The following HTR4 variants were observed in gnomAD, a reference collection of about 807,000 sequenced individuals.
The protein encoded by HTR4 is 5-hydroxytryptamine (serotonin) receptor 4, G protein-coupled.
HTR4 carries 16 observed loss-of-function variants against 36.8 expected under a neutral mutation model. The observed-to-expected ratio is 0.43, with a 90% CI of 0.29 to 0.66. The LOEUF (loss-of-function observed/expected upper bound fraction) is 0.66, where lower values mean the gene tolerates loss of function less well. HTR4 is among the 30% of genes least tolerant of loss of function. HTR4 has a pLI of 0.13. For missense variants in HTR4, 438 were observed against 490.9 expected (o/e 0.89, Z 1.02); for synonymous variants, 189 against 185.1 (o/e 1.02, Z -0.17).
intron 2 of HTR4, among the ~76,000 whole-genome samples, chr5:148,587,249 G>A (rs1009301497): frequency 2.0e-5 from 3 of 152,190 alleles, no homozygotes; most frequent in African/African-American, 7.2e-5. Flanking sequence ...ATTTATAGTC[G>A]CATAGGGTAT....
chr5:148,513,630 T>A (rs572541959), intron 5 of HTR4, among the ~76,000 whole-genome samples: 1 of 152,192 alleles, frequency 6.6e-6, no homozygotes, highest in Non-Finnish European at 1.5e-5. Flanking sequence ...TATTTCCATA[T>A]AAAATTTAAA....
intron 2 of HTR4, among the ~76,000 whole-genome samples, chr5:148,580,326 T>C (rs1265186525): frequency 6.6e-6 from 1 of 152,056 alleles, no homozygotes; most frequent in African/African-American, 2.4e-5. Context: ...CTTGGTGAGT[T>C]TGAACATGTT....
intron 6 of HTR4, among the ~76,000 whole-genome samples, chr5:148,497,448 T>A (rs1756737725): frequency 6.6e-6 from 1 of 152,230 alleles, no homozygotes; most frequent in African/African-American, 2.4e-5. Flanking sequence ...GAAGCTTTGC[T>A]CTCTTTTTCC....
At chr5:148,629,294 C>A (rs1206871137) in intron 2 of HTR4, 1 of 152,134 alleles carries the variant, frequency 6.6e-6, no homozygotes, top group African/African-American at 2.4e-5. Context: ...TTCCAGGGAA[C>A]AAGATTAGGT....
At chr5:148,586,276 C>T (rs1761345422) in intron 2 of HTR4, among the ~76,000 whole-genome samples, 1 of 151,972 alleles carries the variant, frequency 6.6e-6, no homozygotes, top group Admixed American at 6.6e-5. Flanking sequence ...ATTCTAGGCT[C>T]CTGAGACAAT....
At chr5:148,537,827 C>T (rs2113825883) in intron 4 of HTR4, among the ~76,000 whole-genome samples, 1 of 152,240 alleles carries the variant, frequency 6.6e-6, no homozygotes. Context: ...TGGTACCATT[C>T]CTACTGAAAC....
chr5:148,452,733 C>A (rs1755003936), intron 5 of HTR4, among the ~76,000 whole-genome samples: 1 of 152,134 alleles, frequency 6.6e-6, no homozygotes, highest in East Asian at 1.9e-4. Flanking sequence ...GAGAGCTAAG[C>A]CAAGGGGATG....
chr5:148,589,371 C>A lies in HTR4; in HGVS notation c.27-39109G>T, dbSNP rs115792111. 1.5e-3 allele frequency among the ~76,000 whole-genome samples: 224 copies of A among 152,236 alleles called. 2 individuals are homozygous for A. The highest frequency in any genetic ancestry group is 5.1e-3 in the African/African-American group (212 of 41,552). On this transcript the variant is annotated intron_variant, in intron 2 of 6. Coordinates refer to ENST00000377888, the MANE Select transcript of HTR4 (RefSeq NM_000870.7). ...TTCTGTTTCCTGACATTCTGCCAGCCCTTGTTGTCTTTGATTTATAAAGTT... is the reference window on the plus strand; with the variant it reads ...TTCTGTTTCCTGACATTCTGCCAGCACTTGTTGTCTTTGATTTATAAAGTT...
intron 5 of HTR4, among the ~76,000 whole-genome samples, chr5:148,465,639 C>T (rs1755407445): frequency 1.3e-5 from 2 of 152,076 alleles, no homozygotes. Context: ...AGGGAAGAAG[C>T]CAAACCCATC....
chr5:148,559,125 G>A (rs1035730942), intron 2 of HTR4, among the ~76,000 whole-genome samples: 2 of 152,220 alleles, frequency 1.3e-5, no homozygotes, highest in South Asian at 4.1e-4. Flanking sequence ...GACTGATTGA[G>A]AGTTGGAGCT....
intron 1 of HTR4, among the ~76,000 whole-genome samples, chr5:148,646,978 T>C (rs1366892074): frequency 6.6e-6 from 1 of 152,224 alleles, no homozygotes. Flanking sequence ...CTATTACTTA[T>C]TTAGCTTCTC....
rs1351402525 is a variant in HTR4, at chr5:148,509,635, C to A, written c.897G>T (p.Trp299Cys). 6.2e-7 allele frequency: 1 copy of A among 1,614,008 alleles called. No homozygotes were observed. The change falls in exon 6 of 7, where the codon TGG (tryptophan) becomes TGT (cysteine). Residue 299 changes from tryptophan (W) to cysteine (C), a missense_variant. Coordinates refer to ENST00000377888, the MANE Select transcript of HTR4 (RefSeq NM_000870.7). ...TCAACCCGGAATTGATATAGCCGAG[C>A]CAGAGGAAAGCAGTCCACACCTGCC... Reference protein sequence around the residue: ...VPGQVWTAFLWLGYINSGLNP... With the variant: ...VPGQVWTAFLCLGYINSGLNP...
At chr5:148,641,112 G>T (rs925129989) in intron 1 of HTR4, among the ~76,000 whole-genome samples, 1 of 152,198 alleles carries the variant, frequency 6.6e-6, no homozygotes, top group Non-Finnish European at 1.5e-5. Flanking sequence ...AACATCTCTT[G>T]CTGGGAAGAT....
At chr5:148,453,404 C>T (rs188744104) in intron 5 of HTR4, among the ~76,000 whole-genome samples, 4 of 152,282 alleles carry the variant, frequency 2.6e-5, no homozygotes, top group East Asian at 1.9e-4. Flanking sequence ...TCAGTGTTAA[C>T]GACTATATGC....
At chr5:148,463,073 C>T (rs1755319563) in intron 5 of HTR4, among the ~76,000 whole-genome samples, 1 of 151,580 alleles carries the variant, frequency 6.6e-6, no homozygotes. Context: ...TGGTGAGAAA[C>T]TCAATTATTT....
At chr5:148,578,886 T>C (rs904572184) in intron 2 of HTR4, among the ~76,000 whole-genome samples, 5 of 152,106 alleles carry the variant, frequency 3.3e-5, no homozygotes, top group Non-Finnish European at 1.5e-5. Context: ...ATGGTGTCCT[T>C]ACACCAAGTC....
intron 2 of HTR4, among the ~76,000 whole-genome samples, chr5:148,616,836 G>A (rs1193474441): frequency 2.0e-5 from 3 of 151,916 alleles, no homozygotes; most frequent in South Asian, 2.1e-4. Flanking sequence ...AGCCAACATA[G>A]TTTTTAATGA....
chr5:148,555,968 A>T lies in HTR4; in HGVS notation c.27-5706T>A, dbSNP rs571006374. Reference sequence around the variant, plus strand: ...TTGTCACACACACACACACACACACACACTCTCTCTCTCTCTCTCATACTT... The same window carrying T: ...TTGTCACACACACACACACACACACTCACTCTCTCTCTCTCTCTCATACTT... On this transcript the variant is annotated intron_variant, in intron 2 of 6. Transcript: ENST00000377888. Among the ~76,000 whole-genome samples, 65 of 151,564 alleles carry T rather than the reference A, an allele frequency of 4.3e-4. No individual in the cohort carries two copies. The South Asian group carries it at 5.6e-3, about 13-fold the overall frequency.
intron 2 of HTR4, among the ~76,000 whole-genome samples, chr5:148,605,226 C>A (rs1430291604): frequency 6.7e-6 from 1 of 149,706 alleles, no homozygotes; most frequent in African/African-American, 2.5e-5. Flanking sequence ...TCTATGTTAC[C>A]ACAGATTGCA....
Sources: gnomAD v4.1 joint callset for allele counts (sites outside exome capture counted in the v4.1 genomes callset) on GRCh38, gnomAD v4.1.1 for gene constraint, MANE v1.5 for transcripts, NCBI Gene and HGNC (gene_info 2026-07-23, HGNC 2026-07-21) for gene names.